Variants in NTM observed in about 807,000 individuals in gnomAD.
The protein encoded by NTM is neurotrimin.
In NTM, 13 loss-of-function variants were observed where a neutral mutation model predicts 42.1. That is an observed-to-expected ratio of 0.31 (90% CI 0.20 to 0.49). NTM has a LOEUF of 0.49. Ranked by LOEUF, NTM falls within the 20% of genes least tolerant of loss-of-function variation. The pLI is 0.99. For missense variants in NTM, 373 were observed against 452.8 expected, an observed-to-expected ratio of 0.82 and a Z score of 1.60; for synonymous variants, 187 against 179.2, an observed-to-expected ratio of 1.04 and a Z score of -0.35.
At chr11:132,035,925 C>A (rs569101513) in intron 2 of NTM, among the ~76,000 whole-genome samples, 1 of 152,238 alleles carries the variant, frequency 6.6e-6, no homozygotes, top group African/African-American at 2.4e-5. Context: ...CTTATCTCTC[C>A]GTGAGTGTGG....
chr11:131,800,491 T>G (rs1187054609), intron 1 of NTM, among the ~76,000 whole-genome samples: 2 of 152,234 alleles, frequency 1.3e-5, no homozygotes, highest in African/African-American at 4.8e-5. Context: ...TGCAAAAGAT[T>G]CATATAGGCT....
At chr11:131,911,347 C>G in intron 1 of NTM, 1 of 1,511,900 alleles carries the variant, frequency 6.6e-7, no homozygotes, top group Non-Finnish European at 8.9e-7. Context: ...CTTTTCTCCT[C>G]CCCGCGCCTC....
At chr11:131,387,893 A>G (rs1489798436) in intron 1 of NTM, among the ~76,000 whole-genome samples, 1 of 152,228 alleles carries the variant, frequency 6.6e-6, no homozygotes, top group African/African-American at 2.4e-5. Context: ...CCCGGTTTCT[A>G]ATCTGCCCTG....
chr11:132,230,605 C>T (rs1382627341), intron 4 of NTM, among the ~76,000 whole-genome samples: 1 of 152,230 alleles, frequency 6.6e-6, no homozygotes, highest in African/African-American at 2.4e-5. Flanking sequence ...CGCACTTTGC[C>T]CACCCTCTCT....
At chr11:132,069,231 C>T (rs1367061150) in intron 2 of NTM, among the ~76,000 whole-genome samples, 1 of 150,682 alleles carries the variant, frequency 6.6e-6, no homozygotes, top group Admixed American at 6.6e-5. Context: ...TAACACGTCA[C>T]TCAGCCAAGT....
In NTM at chr11:131,668,250, C is replaced by CTCTATCTATCTA. The variant is rs10667464; in HGVS notation, c.83-243282_83-243271dup. ...CATATATGTGTGCATGTATATCTAC[C>CTCTATCTATCTA]TCTATCTATCTATCTATCTATCTAT... On this transcript the variant is annotated intron_variant, in intron 1 of 8. Coordinates refer to ENST00000683400, the MANE Select transcript of NTM (RefSeq NM_001352005.2). Among the ~76,000 whole-genome samples the CTCTATCTATCTA allele has an allele frequency of 1.3e-3, 185 of 147,792 alleles. 1 individual carries two copies. Among genetic ancestry groups the CTCTATCTATCTA allele is most frequent in the Non-Finnish European group, 1.2e-3 (77 of 66,740 alleles).
At chr11:131,723,877 A>T (rs1437759677) in intron 1 of NTM, among the ~76,000 whole-genome samples, 1 of 152,186 alleles carries the variant, frequency 6.6e-6, no homozygotes, top group Admixed American at 6.5e-5. Flanking sequence ...GGAGAGAGAA[A>T]AAGAAAGGGA....
chr11:131,509,445 T>C (rs964717646), intron 1 of NTM, among the ~76,000 whole-genome samples: 3 of 152,216 alleles, frequency 2.0e-5, no homozygotes, highest in African/African-American at 7.2e-5. Flanking sequence ...TCCCTGGCCT[T>C]ACAATGTATT....
intron 1 of NTM, among the ~76,000 whole-genome samples, chr11:131,411,543 G>C (rs1439504132): frequency 2.0e-4 from 2 of 9,782 alleles, no homozygotes; most frequent in Non-Finnish European, 5.8e-4. Context: ...GGGGGGCCGT[G>C]TGTGTGTGTG....
chr11:131,939,726 A>G (rs1203801882), intron 2 of NTM, among the ~76,000 whole-genome samples: 2 of 152,316 alleles, frequency 1.3e-5, no homozygotes, highest in African/African-American at 4.8e-5. Context: ...ACATATTTTT[A>G]TGAATTTTCC....
At chr11:132,274,908 G>T (rs983293154) in intron 4 of NTM, among the ~76,000 whole-genome samples, 17 of 151,966 alleles carry the variant, frequency 1.1e-4, no homozygotes, top group Non-Finnish European at 4.4e-5. Context: ...TGGGCCACTT[G>T]GATAGTTCTT....
At chr11:131,726,924 A>C (rs902319897) in intron 1 of NTM, among the ~76,000 whole-genome samples, 16 of 151,182 alleles carry the variant, frequency 1.1e-4, no homozygotes, top group African/African-American at 3.9e-4. Context: ...TCTGGGCTCA[A>C]GCACTTCTCC....
At chr11:131,809,930 T>C (rs979044474) in intron 1 of NTM, among the ~76,000 whole-genome samples, 12 of 152,238 alleles carry the variant, frequency 7.9e-5, no homozygotes, top group African/African-American at 2.9e-4. Context: ...AGAAGGTTAA[T>C]GCATACGTGA....
At chr11:131,374,372 A>C (rs1285475596) in intron 1 of NTM, among the ~76,000 whole-genome samples, 1 of 152,236 alleles carries the variant, frequency 6.6e-6, no homozygotes, top group Admixed American at 6.5e-5. Context: ...GTCTCGCTGC[A>C]TGAAGACCAT....
intron 2 of NTM, among the ~76,000 whole-genome samples, chr11:132,109,941 C>A (rs1286588178): frequency 6.6e-6 from 1 of 152,228 alleles, no homozygotes; most frequent in Admixed American, 6.5e-5. Flanking sequence ...CTCCCCTCTT[C>A]TGTCCCCCAG....
chr11:131,942,135 A>T (rs1268118784), intron 2 of NTM, among the ~76,000 whole-genome samples: 1 of 152,214 alleles, frequency 6.6e-6, no homozygotes, highest in Non-Finnish European at 1.5e-5. Flanking sequence ...AGCCAGCTGT[A>T]AAGTAAATGG....
At chr11:131,648,587 A>G (rs1244207937) in intron 1 of NTM, among the ~76,000 whole-genome samples, 2 of 152,194 alleles carry the variant, frequency 1.3e-5, no homozygotes, top group African/African-American at 4.8e-5. Context: ...GATGATTTCA[A>G]TTCTTAATTT....
intron 4 of NTM, among the ~76,000 whole-genome samples, chr11:132,277,417 G>A (rs182419882): frequency 2.3e-3 from 351 of 152,282 alleles, no homozygotes; most frequent in Middle Eastern, 0.02. Context: ...CTCTATTGAT[G>A]AGGATAAAAA....
rs1287866063 is a variant in NTM, at chr11:132,146,150, C to A, written c.168-132C>A. The A allele has an allele frequency of 1.4e-6, 2 of 1,399,632 alleles. No homozygotes were observed. Among genetic ancestry groups the A allele is most frequent in the African/African-American group, 2.9e-5 (2 of 69,386 alleles). The allele number at this position is 1,399,632 out of a possible 1,614,324, so 86.7% of individuals were successfully genotyped here. ...GTGTTCCAGAAAAGTCCACCCCTGA[C>A]AAATCAAAGGAAATGTATGTGTTGG... On this transcript the variant is annotated intron_variant, in intron 2 of 8. Transcript: ENST00000683400. The surrounding 1 kb of genome is among the most constrained non-coding windows in gnomAD (Gnocchi z 4.5).
Sources: gnomAD v4.1 joint callset for allele counts (sites outside exome capture counted in the v4.1 genomes callset) on GRCh38, gnomAD v4.1.1 for gene constraint, Gnocchi (gnomAD v3.1) non-coding constraint, MANE v1.5 for transcripts, NCBI Gene and HGNC (gene_info 2026-07-23, HGNC 2026-07-21) for gene names.